IFNG: variants seen among roughly 807,000 people sequenced by gnomAD.
The protein encoded by IFNG is IFN-gamma.
In IFNG, 8 loss-of-function variants were observed where a neutral mutation model predicts 14.4. That is an observed-to-expected ratio of 0.56 (90% CI 0.33 to 1.00). The LOEUF is 1.00. Among genes scored for constraint, IFNG ranks in the 50% least tolerant of loss-of-function variants. The pLI, the probability that IFNG is intolerant of heterozygous loss-of-function variation, is 0.03. For synonymous variants in IFNG, 73 were observed against 65.4 expected, an observed-to-expected ratio of 1.12 and a Z score of -0.56; for missense variants, 132 against 194.9, an observed-to-expected ratio of 0.68 and a Z score of 1.92.
chr12:68,156,431 A>T (rs1882602293), intron 3 of IFNG, among the ~76,000 whole-genome samples: 1 of 95,648 alleles, frequency 1.0e-5, no homozygotes, highest in Non-Finnish European at 1.9e-5. Context: ...ATTTTTTCTA[A>T]TCTTGGGAAC....
chr12:68,157,091 A>G (rs1882612493), intron 3 of IFNG, among the ~76,000 whole-genome samples: 1 of 152,230 alleles, frequency 6.6e-6, no homozygotes, highest in South Asian at 2.1e-4. Context: ...TATAGAAGCC[A>G]TAACTTAAAG....
chr12:68,156,775 G>C (rs942007329), intron 3 of IFNG, among the ~76,000 whole-genome samples: 7 of 152,080 alleles, frequency 4.6e-5, no homozygotes, highest in East Asian at 1.9e-4. Flanking sequence ...TGAACAGTAA[G>C]CCAGGGGCAC....
At chr12:68,157,876 G>A (rs200504594) in intron 3 of IFNG, 37 bp downstream of exon 3, 153 of 1,455,808 alleles carry the variant, frequency 1.1e-4, no homozygotes, top group Non-Finnish European at 1.3e-4. Context: ...CAAGACCCTC[G>A]GCAATGAAAC....
At position 68,158,396 on chromosome 12, in the gene IFNG, T is replaced by C; in HGVS notation, c.115-137A>G. On this transcript the variant is annotated intron_variant, in intron 1 of 3. Transcript: ENST00000229135. ...CAACTCTTCTGCTTAGTTCTAACAATAAGTATTCCCAAAAGGCTTATGTGA... is the reference window on the plus strand; with the variant it reads ...CAACTCTTCTGCTTAGTTCTAACAACAAGTATTCCCAAAAGGCTTATGTGA... 4 of 615,360 alleles carry C rather than the reference T, an allele frequency of 6.5e-6. No homozygotes were observed. The South Asian group carries it at 6.7e-5, about 10-fold the overall frequency. The allele number at this position is 615,360 out of a possible 1,614,324, so 38.1% of individuals were successfully genotyped here.
At chr12:68,159,151 G>T (rs1472856196) in intron 1 of IFNG, among the ~76,000 whole-genome samples, 1 of 152,112 alleles carries the variant, frequency 6.6e-6, no homozygotes, top group East Asian at 1.9e-4. Context: ...AGTCTGAGAA[G>T]TCAAAAACTA....
At chr12:68,156,094 A>C (rs563599004) in intron 3 of IFNG, among the ~76,000 whole-genome samples, 1 of 152,300 alleles carries the variant, frequency 6.6e-6, no homozygotes, top group Admixed American at 6.5e-5. Context: ...ACATCCACCT[A>C]AGTTTGAGAA....
chr12:68,158,213 C>T lies in IFNG; in HGVS notation c.161G>A (p.Gly54Asp), dbSNP rs76012457. Reference sequence around the variant, plus strand: ...TACCTCTTTCCAATTCTTCAAAATGCCTAAGAAAAGAGTTCCATTATCCGC... The same window carrying T: ...TACCTCTTTCCAATTCTTCAAAATGTCTAAGAAAAGAGTTCCATTATCCGC... Reference protein sequence around the residue: ...DVADNGTLFLGILKNWKEESD... With the variant: ...DVADNGTLFLDILKNWKEESD... Residue 54 changes from glycine to aspartate, a missense_variant, in exon 2 of 4, where the codon GGC becomes GAC. Gly to Asp is a moderately conservative substitution (Grantham distance 94). Transcript: ENST00000229135. 1.3e-5 allele frequency: 21 copies of T among 1,608,720 alleles called. No individual in the cohort carries two copies. The African/African-American group carries it at 2.4e-4, about 19-fold the overall frequency.
chr12:68,155,523 C>G, intron 3 of IFNG, 36 bp from the exon 4 acceptor site: 1 of 1,561,058 alleles, frequency 6.4e-7, no homozygotes, highest in African/African-American at 1.4e-5. Context: ...TAATTTCAGG[C>G]ATATAAGCCA....
chr12:68,159,611 T>A lies in IFNG; in HGVS notation c.5A>T (p.Lys2Ile). The change falls in exon 1 of 4, where the codon AAA becomes ATA. Residue 2 changes from lysine to isoleucine, a missense_variant. Coordinates refer to ENST00000229135, the MANE Select transcript of IFNG (RefSeq NM_000619.3). ...AAAAGCCAAGATATAACTTGTATATTTCATCGTTTCCGAGAGAATTAAGCC... is the reference window on the plus strand; with the variant it reads ...AAAAGCCAAGATATAACTTGTATATATCATCGTTTCCGAGAGAATTAAGCC... The part of the protein sequence containing the change: M[K>I]YTSYILAFQL... 1.3e-6 allele frequency: 2 copies of A among 1,564,282 alleles called. No homozygotes were observed. The highest frequency in any genetic ancestry group is 2.3e-5 in the South Asian group (2 of 88,540).
At position 68,155,377 on chromosome 12, in the gene IFNG, A is replaced by G; in HGVS notation, c.477T>C (p.Phe159=). 1 of 1,610,282 alleles carries G rather than the reference A, an allele frequency of 6.2e-7. No individual in the cohort carries two copies. Reference sequence around the variant, plus strand: ...ATTACTGGGATGCTCTTCGACCTCGAAACAGCATCTGACTCCTTTTTCGCT... The same window carrying G: ...ATTACTGGGATGCTCTTCGACCTCGGAACAGCATCTGACTCCTTTTTCGCT... ...TGKRKRSQML[F]RGRRASQ Residue 159 remains phenylalanine, a synonymous_variant, in exon 4 of 4, where the codon TTT becomes TTC. Coordinates refer to ENST00000229135, the MANE Select transcript of IFNG (RefSeq NM_000619.3).
chr12:68,159,402 G>T, intron 1 of IFNG, 100 bp downstream of exon 1: 2 of 587,694 alleles, frequency 3.4e-6, no homozygotes, highest in South Asian at 4.6e-5. Context: ...ATCTCAAAAT[G>T]ACTGCCTACA....
In IFNG at chr12:68,159,653, G is replaced by A. The variant is rs537209084; in HGVS notation, c.-38C>T. ...AATTAAGCCAAAGAAGTTGAAATCA[G>A]TAGTTCTTGTATCAAGCTGATCAGG... On this transcript the variant is annotated 5_prime_UTR_variant, in exon 1 of 4. Coordinates refer to ENST00000229135, the MANE Select transcript of IFNG (RefSeq NM_000619.3). The A allele has an allele frequency of 9.4e-7, 1 of 1,062,918 alleles. No homozygotes were observed. Among genetic ancestry groups the A allele is most frequent in the Non-Finnish European group, 1.4e-6 (1 of 693,904 alleles). 65.8% of individuals were successfully genotyped at this position (1,062,918 alleles called of 1,614,324 possible). A position where few individuals can be genotyped will look rare whatever the true frequency, so the allele number is the denominator to read the frequency against.
At chr12:68,155,888 A>G (rs567114957) in intron 3 of IFNG, among the ~76,000 whole-genome samples, 2 of 152,314 alleles carry the variant, frequency 1.3e-5, no homozygotes, top group Admixed American at 1.3e-4. Flanking sequence ...TGACCTCTCT[A>G]TCATCAATCT....
rs1410997868 is a variant in IFNG at position 68,154,808 on chromosome 12, G to A, written c.*545C>T. ...ACTTTATTCATATATATTAGATATT[G>A]ATAATTTTAACAAATGAGTTACTTT... On this transcript the variant is annotated 3_prime_UTR_variant, in exon 4 of 4. Coordinates refer to ENST00000229135, the MANE Select transcript of IFNG (RefSeq NM_000619.3). 1 of 152,778 alleles carries A rather than the reference G, an allele frequency of 6.5e-6. No individual in the cohort carries two copies. The highest frequency in any genetic ancestry group is 2.4e-5 in the African/African-American group (1 of 41,462). The allele number at this position is 152,778 out of a possible 1,614,324, so 9.5% of individuals were successfully genotyped here. A position where few individuals can be genotyped will look rare whatever the true frequency, so the allele number is the denominator to read the frequency against.
In IFNG at chr12:68,155,226, A is replaced by G. The variant is rs1882582452; in HGVS notation, c.*127T>C. On this transcript the variant is annotated 3_prime_UTR_variant, in exon 4 of 4. Transcript: ENST00000229135. ...ATTAATAGATATTCATTTTCATTACACAAAAGTTGCTATTATAAATACTTA... is the reference window on the plus strand; with the variant it reads ...ATTAATAGATATTCATTTTCATTACGCAAAAGTTGCTATTATAAATACTTA... 2 of 552,746 alleles carry G rather than the reference A, an allele frequency of 3.6e-6. No homozygotes were observed. The highest frequency in any genetic ancestry group is 7.6e-5 in the South Asian group (2 of 26,342). The allele number at this position is 552,746 out of a possible 1,614,324, so 34.2% of individuals were successfully genotyped here.
Position 68,155,298 on chromosome 12 carries a change from A to C in IFNG, c.*55T>G. On this transcript the variant is annotated 3_prime_UTR_variant, in exon 4 of 4. Coordinates refer to ENST00000229135, the MANE Select transcript of IFNG (RefSeq NM_000619.3). ...TATATTCCCCATATAAATAATGTTAAATATTAATAAATAGATTTAGATTTA... is the reference window on the plus strand; with the variant it reads ...TATATTCCCCATATAAATAATGTTACATATTAATAAATAGATTTAGATTTA... 7.9e-7 allele frequency: 1 copy of C among 1,264,404 alleles called. No homozygotes were observed. 78.3% of individuals were successfully genotyped at this position (1,264,404 alleles called of 1,614,324 possible). A position where few individuals can be genotyped will look rare whatever the true frequency, so the allele number is the denominator to read the frequency against.
rs1882582042 is a variant in IFNG at position 68,155,210 on chromosome 12, T to C, written c.*143A>G. 1.0e-5 allele frequency: 5 copies of C among 493,774 alleles called. No homozygotes were observed. The highest frequency in any genetic ancestry group is 7.5e-5 in the Admixed American group (2 of 26,728). The allele number at this position is 493,774 out of a possible 1,614,324, so 30.6% of individuals were successfully genotyped here. On this transcript the variant is annotated 3_prime_UTR_variant, in exon 4 of 4. Transcript: ENST00000229135. Reference sequence around the variant, plus strand: ...TATAAATAATACATATATTAATAGATATTCATTTTCATTACACAAAAGTTG... The same window carrying C: ...TATAAATAATACATATATTAATAGACATTCATTTTCATTACACAAAAGTTG...
At chr12:68,158,701 C>G (rs1342320288) in intron 1 of IFNG, among the ~76,000 whole-genome samples, 1 of 142,000 alleles carries the variant, frequency 7.0e-6, no homozygotes, top group Non-Finnish European at 1.5e-5. Flanking sequence ...AAAGATAGTT[C>G]CAAACATGTG....
chr12:68,157,986 T>C lies in IFNG; in HGVS notation c.293A>G (p.Glu98Gly). The change falls in exon 3 of 4, where the codon GAA becomes GGA. Residue 98 changes from glutamate (E) to glycine (G), a missense_variant. Coordinates refer to ENST00000229135, the MANE Select transcript of IFNG (RefSeq NM_000619.3). ...SIQKSVETIK[E>G]DMNVKFFNSN... ...ATTGAAAAACTTGACATTCATGTCT[T>C]CCTTGATGGTCTCCACACTCTTTTG... The C allele has an allele frequency of 6.2e-7, 1 of 1,610,946 alleles. No individual in the cohort carries two copies. Among genetic ancestry groups the C allele is most frequent in the Non-Finnish European group, 8.5e-7 (1 of 1,177,970 alleles).
Sources: allele counts gnomAD v4.1 joint callset (sites outside exome capture counted in the v4.1 genomes callset), GRCh38; gene constraint gnomAD v4.1.1; transcripts MANE v1.5; gene names NCBI Gene and HGNC (gene_info 2026-07-23, HGNC 2026-07-21).